The following SYN3 variants were observed in gnomAD, a reference collection of about 807,000 sequenced individuals.
The protein encoded by SYN3 is synapsin-3.
SYN3 carries 35 observed loss-of-function variants against 65.8 expected under a neutral mutation model. The ratio of observed to expected loss-of-function variants is 0.53; its 90% CI spans 0.41 to 0.70. SYN3 has a LOEUF of 0.70. SYN3 is among the 30% of genes least tolerant of loss of function. The pLI is 0.00. For missense variants in SYN3, 680 were observed against 749.0 expected, an observed-to-expected ratio of 0.91 and a Z score of 1.08; for synonymous variants, 270 against 292.9, an observed-to-expected ratio of 0.92 and a Z score of 0.80.
At chr22:32,714,262 C>T (rs1010265417) in intron 6 of SYN3, among the ~76,000 whole-genome samples, 1 of 152,208 alleles carries the variant, frequency 6.6e-6, no homozygotes, top group East Asian at 1.9e-4. Flanking sequence ...GACCCAGACT[C>T]TAGTCTTATC....
chr22:32,960,768 C>T (rs908556626), intron 3 of SYN3, among the ~76,000 whole-genome samples: 3 of 152,088 alleles, frequency 2.0e-5, no homozygotes, highest in Admixed American at 6.5e-5. Context: ...CAGTGCTGAG[C>T]GTGGGGTCAG....
Position 32,508,696 on chromosome 22 carries a change from T to C in SYN3, c.*4996A>G, listed in dbSNP as rs2057659240. Among the ~76,000 whole-genome samples, 1 of 152,330 alleles carries C rather than the reference T, an allele frequency of 6.6e-6. No individual in the cohort carries two copies. The highest frequency in any genetic ancestry group is 1.5e-5 in the Non-Finnish European group (1 of 68,030). ...GCAAGTGACTTCCATATATTGATAC[T>C]CTTAGAAAAACATCTTTTTACTTCA... is the stretch of plus-strand genomic sequence containing the variant. On this transcript the variant is annotated 3_prime_UTR_variant, in exon 14 of 14. Coordinates refer to ENST00000358763, the MANE Select transcript of SYN3 (RefSeq NM_003490.4).
At chr22:32,747,606 C>T (rs182525697) in intron 6 of SYN3, among the ~76,000 whole-genome samples, 25 of 152,300 alleles carry the variant, frequency 1.6e-4, no homozygotes, top group Admixed American at 1.6e-3. Flanking sequence ...AAGGAACCAA[C>T]TAAAAATCAT....
chr22:32,991,338 A>AAATAATAATAATAATAATAATAAT lies in SYN3; in HGVS notation c.312-10660_312-10637dup, dbSNP rs60884096. Reference sequence around the variant, plus strand: ...GGGTAACAGAGTGAGACTCCATCTCAAATAATAATAATAATAATAATAATA... The same window carrying AAATAATAATAATAATAATAATAAT: ...GGGTAACAGAGTGAGACTCCATCTCAAATAATAATAATAATAATAATAATAATAATAATAATAATAATAATAATA... On this transcript the variant is annotated intron_variant, in intron 2 of 13. Transcript: ENST00000358763. Among the ~76,000 whole-genome samples, 124 of 142,602 alleles carry AAATAATAATAATAATAATAATAAT rather than the reference A, an allele frequency of 8.7e-4. 1 individual carries two copies. Among genetic ancestry groups the AAATAATAATAATAATAATAATAAT allele is most frequent in the Admixed American group, 1.1e-3 (16 of 14,240 alleles). 93.6% of individuals were successfully genotyped at this position (142,602 alleles called of 152,430 possible). A position where few individuals can be genotyped will look rare whatever the true frequency, so the allele number is the denominator to read the frequency against.
At chr22:32,571,390 G>A (rs5749464) in intron 7 of SYN3, among the ~76,000 whole-genome samples, 47,868 of 152,020 alleles carry the variant, frequency 0.31, 7,763 homozygotes, top group East Asian at 0.52. Flanking sequence ...TTGGATTTAT[G>A]TGGCACCCTG....
At chr22:32,554,701 A>G (rs79790161) in intron 7 of SYN3, among the ~76,000 whole-genome samples, 3,825 of 152,268 alleles carry the variant, frequency 0.025, 64 homozygotes, top group Non-Finnish European at 0.037. Flanking sequence ...CAGCAGTAAG[A>G]ACTAGCTGCA....
intron 2 of SYN3, among the ~76,000 whole-genome samples, chr22:32,993,992 C>T (rs577749454): frequency 6.6e-6 from 1 of 152,110 alleles, no homozygotes; most frequent in South Asian, 2.1e-4. Flanking sequence ...CCTAAGACTC[C>T]ACTAGGGCGG....
chr22:32,671,144 T>C (rs1376148315), intron 6 of SYN3, among the ~76,000 whole-genome samples: 12 of 152,212 alleles, frequency 7.9e-5, no homozygotes, highest in African/African-American at 2.7e-4. Context: ...AAGCTTTTTT[T>C]CGTTTACAGA....
At chr22:32,846,377 C>T (rs183336698) in intron 6 of SYN3, among the ~76,000 whole-genome samples, 329 of 152,330 alleles carry the variant, frequency 2.2e-3, no homozygotes, top group Non-Finnish European at 3.6e-3. Flanking sequence ...GGAGAACTCC[C>T]AGGCCTTAGC....
At chr22:32,660,053 C>A (rs367772647) in intron 6 of SYN3, among the ~76,000 whole-genome samples, 4 of 152,280 alleles carry the variant, frequency 2.6e-5, no homozygotes, top group African/African-American at 9.6e-5. Context: ...ATAGAAAGAA[C>A]CCTTGCTATC....
chr22:32,515,671 G>A (rs1858827390), intron 13 of SYN3, among the ~76,000 whole-genome samples: 1 of 152,174 alleles, frequency 6.6e-6, no homozygotes, highest in South Asian at 2.1e-4. Flanking sequence ...TTTATTAATT[G>A]CAGCATTATT....
intron 6 of SYN3, among the ~76,000 whole-genome samples, chr22:32,810,511 C>G (rs1442106609): frequency 7.0e-6 from 1 of 142,618 alleles, no homozygotes; most frequent in African/African-American, 2.7e-5. Flanking sequence ...AAACAGAGCC[C>G]TAGATGATTG....
At chr22:32,770,310 C>T (rs779974303) in intron 6 of SYN3, among the ~76,000 whole-genome samples, 6 of 152,158 alleles carry the variant, frequency 3.9e-5, no homozygotes, top group African/African-American at 1.4e-4. Flanking sequence ...AGTGGTGATG[C>T]CTTCAGATGT....
At chr22:32,527,402 C>A (rs1270943750) in intron 12 of SYN3, among the ~76,000 whole-genome samples, 2 of 152,126 alleles carry the variant, frequency 1.3e-5, no homozygotes, top group Non-Finnish European at 2.9e-5. Flanking sequence ...GAATTTGAGA[C>A]CAGCCTGGCC....
At chr22:32,539,813 G>A (rs994159097) in intron 8 of SYN3, among the ~76,000 whole-genome samples, 1 of 148,656 alleles carries the variant, frequency 6.7e-6, no homozygotes, top group African/African-American at 2.5e-5. Context: ...CTGGGACAAG[G>A]TGTCGTCAAT....
At chr22:32,668,027 C>CTTG (rs1297160846) in intron 6 of SYN3, among the ~76,000 whole-genome samples, 3 of 151,754 alleles carry the variant, frequency 2.0e-5, no homozygotes, top group Admixed American at 1.3e-4. Flanking sequence ...ATCTCCTGAC[C>CTTG]TGATCCGCCT....
Position 32,509,631 on chromosome 22 carries a change from C to G in SYN3, c.*4061G>C, listed in dbSNP as rs946422020. ...TTGCCCAGGCTGGAGTGCAGTGGTGCGATCTCGGCTCACTGCAAGCTCCGC... is the reference window on the plus strand; with the variant it reads ...TTGCCCAGGCTGGAGTGCAGTGGTGGGATCTCGGCTCACTGCAAGCTCCGC... On this transcript the variant is annotated 3_prime_UTR_variant, in exon 14 of 14. Transcript: ENST00000358763. Among the ~76,000 whole-genome samples the G allele has an allele frequency of 4.0e-5, 6 of 151,876 alleles. No individual in the cohort carries two copies. Among genetic ancestry groups the G allele is most frequent in the African/African-American group, 9.7e-5 (4 of 41,350 alleles).
intron 4 of SYN3, among the ~76,000 whole-genome samples, chr22:32,882,409 C>A (rs763174497): frequency 1.2e-4 from 18 of 152,144 alleles, no homozygotes; most frequent in Non-Finnish European, 2.2e-4. Flanking sequence ...TAAAAAAAAT[C>A]TAAAACAAAT....
intron 3 of SYN3, among the ~76,000 whole-genome samples, chr22:32,957,552 C>G (rs2051503288): frequency 6.6e-6 from 1 of 152,102 alleles, no homozygotes; most frequent in African/African-American, 2.4e-5. Context: ...GAAAAAAGCC[C>G]CGCGCTCTCC....
Sources: allele counts gnomAD v4.1 joint callset (sites outside exome capture counted in the v4.1 genomes callset), GRCh38; gene constraint gnomAD v4.1.1; transcripts MANE v1.5; gene names NCBI Gene and HGNC (gene_info 2026-07-23, HGNC 2026-07-21).